OPN3: variants seen among roughly 807,000 people sequenced by gnomAD.
OPN3 encodes opsin 3.
A neutral mutation model predicts 33.8 loss-of-function variants in OPN3; 29 were observed. The observed-to-expected ratio is 0.86, with a 90% CI of 0.64 to 1.17. The LOEUF (loss-of-function observed/expected upper bound fraction) is 1.17. Ranked by LOEUF, OPN3 falls within the 50% of genes most tolerant of loss-of-function variation. The pLI is 0.00. For missense variants in OPN3, 437 were observed against 514.1 expected (o/e 0.85, Z 1.45); for synonymous variants, 216 against 216.1 (o/e 1.00, Z 0.00).
intron 1 of OPN3, among the ~76,000 whole-genome samples, chr1:241,627,301 GCCA>G (rs1664446851): frequency 1.9e-5 from 2 of 106,142 alleles, no homozygotes; most frequent in East Asian, 4.0e-4. Context: ...AGTTCCAGAA[GCCA>G]CCACTTTTTA....
At chr1:241,619,957 G>A (rs547898400) in intron 1 of OPN3, among the ~76,000 whole-genome samples, 1 of 152,238 alleles carries the variant, frequency 6.6e-6, no homozygotes, top group South Asian at 2.1e-4. Context: ...TGATGTAAAG[G>A]GGAAAACGCA....
At chr1:241,616,781 T>G (rs945491631) in intron 1 of OPN3, among the ~76,000 whole-genome samples, 2 of 151,994 alleles carry the variant, frequency 1.3e-5, no homozygotes, top group Admixed American at 1.3e-4. Flanking sequence ...AATGAAAAAT[T>G]TTTTTTTCCC....
Position 241,601,654 on chromosome 1 carries a change from C to T in OPN3, c.693+2606G>A, listed in dbSNP as rs182524571. ...CTGTGAGGCGGAGGTTGCAGTGAGC[C>T]GAGATTCTGCCATTGCACTCCAGCC... On this transcript the variant is annotated intron_variant, in intron 2 of 3. Coordinates refer to ENST00000366554, the MANE Select transcript of OPN3 (RefSeq NM_014322.3). Among the ~76,000 whole-genome samples the T allele has an allele frequency of 2.4e-4, 36 of 152,070 alleles. No individual in the cohort carries two copies. In the East Asian group the frequency reaches 5.2e-3, roughly 22 times the overall value.
chr1:241,619,658 C>T (rs1664225109), intron 1 of OPN3, among the ~76,000 whole-genome samples: 1 of 152,222 alleles, frequency 6.6e-6, no homozygotes, highest in African/African-American at 2.4e-5. Flanking sequence ...CCAGACCCAT[C>T]ACGAAGTGAG....
chr1:241,616,247 G>A (rs1413197764), intron 1 of OPN3, among the ~76,000 whole-genome samples: 1 of 151,998 alleles, frequency 6.6e-6, no homozygotes, highest in African/African-American at 2.4e-5. Flanking sequence ...CTTTGCCTTA[G>A]GCTTTATATG....
intron 1 of OPN3, among the ~76,000 whole-genome samples, chr1:241,624,012 C>T (rs1019138721): frequency 1.3e-5 from 2 of 151,896 alleles, no homozygotes; most frequent in African/African-American, 4.8e-5. Flanking sequence ...GCACTCTATG[C>T]TCCAGGCACT....
At chr1:241,630,168 T>G (rs1218279628) in intron 1 of OPN3, 1 of 151,960 alleles carries the variant, frequency 6.6e-6, no homozygotes, top group African/African-American at 2.4e-5. Context: ...ATACTAGGAG[T>G]GACTTTCCCA....
intron 2 of OPN3, chr1:241,601,080 C>A: frequency 6.6e-6 from 1 of 152,098 alleles, no homozygotes; most frequent in Non-Finnish European, 1.5e-5. Context: ...AGAAAGTGTG[C>A]TAAGACAAGA....
chr1:241,616,933 A>G (rs1026465013), intron 1 of OPN3, among the ~76,000 whole-genome samples: 12 of 152,268 alleles, frequency 7.9e-5, no homozygotes, highest in Admixed American at 4.6e-4. Flanking sequence ...TAAAAAATCT[A>G]TAAAATATTC....
At chr1:241,623,302 T>C (rs1207293697) in intron 1 of OPN3, among the ~76,000 whole-genome samples, 1 of 152,244 alleles carries the variant, frequency 6.6e-6, no homozygotes, top group Non-Finnish European at 1.5e-5. Context: ...TTCTCAAATC[T>C]GTCCTTTGTT....
intron 3 of OPN3, chr1:241,594,987 T>G: frequency 3.6e-6 from 1 of 277,464 alleles, no homozygotes; most frequent in South Asian, 8.0e-5. Context: ...TTAAGAGATT[T>G]TGAACATTAA....
In OPN3 at chr1:241,593,476, T is replaced by C; in HGVS notation, c.*952A>G. On this transcript the variant is annotated 3_prime_UTR_variant, in exon 4 of 4. Transcript: ENST00000366554. The stretch of plus-strand genomic sequence containing the variant: ...AAAATAAAATGATTCAGTGTTTCTT[T>C]TCTATATTGTCAATGAAAACCTTGA... The C allele has an allele frequency of 3.0e-6, 1 of 332,352 alleles. No individual in the cohort carries two copies. The highest frequency in any genetic ancestry group is 2.5e-5 in the South Asian group (1 of 40,596). The allele number at this position is 332,352 out of a possible 1,614,324, so 20.6% of individuals were successfully genotyped here.
At chr1:241,639,272 G>T (rs561386972) in intron 1 of OPN3, 1 of 152,342 alleles carries the variant, frequency 6.6e-6, no homozygotes, top group South Asian at 2.1e-4. Flanking sequence ...AGTAAAAACA[G>T]CTTACAGGGC....
chr1:241,633,843 CAG>C, intron 1 of OPN3: 1 of 1,613,832 alleles, frequency 6.2e-7, no homozygotes, highest in Non-Finnish European at 8.5e-7. Context: ...TTGCTTTCCT[CAG>C]AGGATTCTAG....
chr1:241,630,374 A>G (rs1431289127), intron 1 of OPN3: 1 of 152,064 alleles, frequency 6.6e-6, no homozygotes, highest in Non-Finnish European at 1.5e-5. Context: ...TAGTTATATA[A>G]CTTTCTTTAA....
chr1:241,597,008 T>G (rs541990629), intron 3 of OPN3, among the ~76,000 whole-genome samples: 294 of 152,212 alleles, frequency 1.9e-3, no homozygotes, highest in Middle Eastern at 6.8e-3. Flanking sequence ...TTTTTTTTTT[T>G]TGAGAGAGCG....
In OPN3 at chr1:241,640,135, G is replaced by C. The variant is rs767491650; in HGVS notation, c.120C>G (p.Thr40=). 1 of 1,593,742 alleles carries C rather than the reference G, an allele frequency of 6.3e-7. No homozygotes were observed. ...LSPAPLFSPG[T]YERLALLLGS... is the part of the protein sequence containing the mutation. ...CCAGCAGCAGCGCCAGGCGCTCGTA[G>C]GTGCCGGGGCTGAAGAGGGGCGCGG... is the stretch of plus-strand genomic sequence containing the variant. The change falls in exon 1 of 4, where the codon ACC becomes ACG. Residue 40 remains threonine, a synonymous_variant. Transcript: ENST00000366554.
chr1:241,602,144 T>C (rs1202573905), intron 2 of OPN3, among the ~76,000 whole-genome samples: 1 of 151,922 alleles, frequency 6.6e-6, no homozygotes, highest in African/African-American at 2.4e-5. Context: ...GAGCTAAACA[T>C]AGGATGCTGG....
At chr1:241,628,380 T>C (rs1386148028) in intron 1 of OPN3, among the ~76,000 whole-genome samples, 1 of 152,154 alleles carries the variant, frequency 6.6e-6, no homozygotes, top group Non-Finnish European at 1.5e-5. Context: ...ACAGTAGGTG[T>C]TCAATGGATG....
Sources: allele counts gnomAD v4.1 joint callset (sites outside exome capture counted in the v4.1 genomes callset), GRCh38; gene constraint gnomAD v4.1.1; transcripts MANE v1.5; gene names NCBI Gene and HGNC (gene_info 2026-07-23, HGNC 2026-07-21).